Variants in AKAP13 observed in about 807,000 individuals in gnomAD.
AKAP13 encodes the protein A-kinase anchor protein 13.
Under a neutral mutation model 264.5 loss-of-function variants are expected in AKAP13, and 80 were observed. That is an observed-to-expected ratio of 0.30 (90% CI 0.25 to 0.36). The LOEUF (loss-of-function observed/expected upper bound fraction) is 0.36. AKAP13 is among the 10% of genes least tolerant of loss of function. The pLI, the probability that AKAP13 is intolerant of heterozygous loss-of-function variation, is 1.00. For synonymous variants in AKAP13, 1,380 were observed against 1,250.2 expected, an observed-to-expected ratio of 1.10 and a Z score of -2.19; for missense variants, 3,712 against 3,435.2, an observed-to-expected ratio of 1.08 and a Z score of -2.01.
At chr15:85,506,921 G>C (rs1206467694) in intron 2 of AKAP13, among the ~76,000 whole-genome samples, 1 of 152,150 alleles carries the variant, frequency 6.6e-6, no homozygotes, top group Non-Finnish European at 1.5e-5. Flanking sequence ...TGTTTGTTCA[G>C]TTCTGTGCCT....
intron 1 of AKAP13, among the ~76,000 whole-genome samples, chr15:85,399,267 C>T (rs1596043287): frequency 6.6e-6 from 1 of 151,592 alleles, no homozygotes; most frequent in Non-Finnish European, 1.5e-5. Context: ...GAGGCCGAGG[C>T]GGGTGGATCA....
chr15:85,582,375 A>T (rs2079161934), intron 7 of AKAP13, among the ~76,000 whole-genome samples: 1 of 152,148 alleles, frequency 6.6e-6, no homozygotes, highest in Admixed American at 6.5e-5. Flanking sequence ...CAACTTTGCA[A>T]ACCTAGAAAA....
At chr15:85,458,431 CA>C (rs1310279572) in intron 1 of AKAP13, among the ~76,000 whole-genome samples, 1 of 128,806 alleles carries the variant, frequency 7.8e-6, no homozygotes, top group Non-Finnish European at 1.5e-5. Flanking sequence ...TGGAGTGCAA[CA>C]CATCTGTATT....
In AKAP13 at chr15:85,684,031, A is replaced by G. The variant is rs545662286; in HGVS notation, c.5157-710A>G. 3.9e-5 allele frequency among the ~76,000 whole-genome samples: 6 copies of G among 152,196 alleles called. No homozygotes were observed. In the South Asian group the frequency reaches 8.3e-4, roughly 21 times the overall value. On this transcript the variant is annotated intron_variant, in intron 15 of 36. Coordinates refer to ENST00000394518, the MANE Select transcript of AKAP13 (RefSeq NM_007200.5). ...TGCCAAAGGCTAGAAAAAAGTTGTG[A>G]TCTCTACCGTTAAGGAACTTGGATA...
intron 8 of AKAP13, among the ~76,000 whole-genome samples, chr15:85,607,847 A>T (rs1035888717): frequency 6.6e-6 from 1 of 152,248 alleles, no homozygotes; most frequent in African/African-American, 2.4e-5. Flanking sequence ...AGCTCCAGAT[A>T]ATAGTCTCTG....
intron 33 of AKAP13, among the ~76,000 whole-genome samples, chr15:85,738,339 C>G (rs2088693064): frequency 6.6e-6 from 1 of 151,554 alleles, no homozygotes; most frequent in Admixed American, 6.6e-5. Flanking sequence ...TTGCAGTGGG[C>G]CAAGATCGCA....
intron 1 of AKAP13, among the ~76,000 whole-genome samples, chr15:85,425,812 T>C (rs111601487): frequency 0.013 from 1,920 of 152,120 alleles, 16 homozygotes; most frequent in Non-Finnish European, 0.019. Flanking sequence ...GAAAGTACTG[T>C]TGTTAATTGT....
At position 85,743,689 on chromosome 15, in the gene AKAP13, GACAA is replaced by G; in HGVS notation, c.8262_8265del (p.Asn2754LysfsTer22). The G allele has an allele frequency of 5.0e-6, 8 of 1,614,138 alleles. No homozygotes were observed. Among genetic ancestry groups the G allele is most frequent in the Non-Finnish European group, 5.1e-6 (6 of 1,180,032 alleles). On this transcript the variant is annotated frameshift_variant, in exon 36 of 37. Transcript: ENST00000394518. LOFTEE classifies it high-confidence loss of function. ...TTCACATACTGAGTTCAACCAGCCAGACAAACAAAGGACCAGAAGGGCAGAGCCA... is the reference window on the plus strand; with the variant it reads ...TTCACATACTGAGTTCAACCAGCCAGACAAAGGACCAGAAGGGCAGAGCCA...
chr15:85,591,684 T>A (rs1312011667), intron 8 of AKAP13, among the ~76,000 whole-genome samples: 1 of 152,054 alleles, frequency 6.6e-6, no homozygotes, highest in Non-Finnish European at 1.5e-5. Flanking sequence ...GCCTTCATAG[T>A]ATGTCCCAGT....
chr15:85,578,605 A>G (rs560568585), intron 6 of AKAP13, among the ~76,000 whole-genome samples: 1 of 152,180 alleles, frequency 6.6e-6, no homozygotes, highest in East Asian at 1.9e-4. Context: ...CAGCCTCCCA[A>G]AGTGCTGGGA....
At chr15:85,392,375 C>G (rs958591245) in intron 1 of AKAP13, among the ~76,000 whole-genome samples, 3 of 150,306 alleles carry the variant, frequency 2.0e-5, no homozygotes, top group African/African-American at 4.9e-5. Flanking sequence ...CTGCCTCAGC[C>G]TCCTGAGTAG....
At chr15:85,507,272 T>G (rs1445888148) in intron 2 of AKAP13, among the ~76,000 whole-genome samples, 1 of 152,028 alleles carries the variant, frequency 6.6e-6, no homozygotes, top group Non-Finnish European at 1.5e-5. Flanking sequence ...GTTGGCAAGC[T>G]ACAGCCTGTG....
intron 6 of AKAP13, among the ~76,000 whole-genome samples, chr15:85,577,608 A>G (rs1411453082): frequency 1.3e-5 from 2 of 152,092 alleles, no homozygotes; most frequent in Middle Eastern, 3.2e-3. Flanking sequence ...AATCATTCCC[A>G]TGCTGTTGGT....
intron 1 of AKAP13, among the ~76,000 whole-genome samples, chr15:85,399,734 G>A (rs1278211458): frequency 6.6e-6 from 1 of 151,730 alleles, no homozygotes; most frequent in Non-Finnish European, 1.5e-5. Context: ...ACAGATGGAG[G>A]AAACTTTCAA....
intron 9 of AKAP13, among the ~76,000 whole-genome samples, chr15:85,644,240 T>C (rs927413051): frequency 1.3e-5 from 2 of 151,680 alleles, no homozygotes; most frequent in African/African-American, 4.8e-5. Flanking sequence ...CTTCTTTTTT[T>C]TTTTTTTTGG....
intron 1 of AKAP13, among the ~76,000 whole-genome samples, chr15:85,434,614 C>T (rs1051354272): frequency 1.3e-5 from 2 of 151,928 alleles, no homozygotes; most frequent in African/African-American, 4.8e-5. Context: ...CAGCACGCAG[C>T]TGGAGATCTG....
At chr15:85,469,347 T>C (rs11631739) in intron 1 of AKAP13, among the ~76,000 whole-genome samples, 45,596 of 152,034 alleles carry the variant, frequency 0.3, 9,036 homozygotes, top group Non-Finnish European at 0.44. Flanking sequence ...GACCTGAGGT[T>C]AGGGCTGTAG....
At chr15:85,442,032 C>T (rs1412664150) in intron 1 of AKAP13, among the ~76,000 whole-genome samples, 2 of 152,102 alleles carry the variant, frequency 1.3e-5, no homozygotes, top group Non-Finnish European at 2.9e-5. Flanking sequence ...TATCCTCTCC[C>T]TAGGGATGAT....
intron 3 of AKAP13, among the ~76,000 whole-genome samples, chr15:85,526,408 G>C (rs1249314837): frequency 6.6e-6 from 1 of 151,706 alleles, no homozygotes; most frequent in Admixed American, 6.6e-5. Flanking sequence ...CATCGTAAGT[G>C]GCACGTGTGT....
Sources: allele counts gnomAD v4.1 joint callset (sites outside exome capture counted in the v4.1 genomes callset), GRCh38; gene constraint gnomAD v4.1.1; transcripts MANE v1.5; gene names NCBI Gene and HGNC (gene_info 2026-07-23, HGNC 2026-07-21).